GALNTL6: variants seen among roughly 807,000 people sequenced by gnomAD.
The protein encoded by GALNTL6 is polypeptide N-acetylgalactosaminyltransferase like 6, also known as polypeptide N-acetylgalactosaminyltransferase-like 6.
In GALNTL6, 46 loss-of-function variants were observed where a neutral mutation model predicts 73.7. The ratio of observed to expected loss-of-function variants is 0.62; its 90% CI spans 0.49 to 0.80. GALNTL6 has a LOEUF of 0.80. Among genes scored for constraint, GALNTL6 ranks in the 30% least tolerant of loss-of-function variants. The pLI, the probability that GALNTL6 is intolerant of heterozygous loss-of-function variation, is 0.00. For synonymous variants in GALNTL6, 259 were observed against 263.7 expected (o/e 0.98, Z 0.17); for missense variants, 604 against 755.0 (o/e 0.80, Z 2.34).
intron 2 of GALNTL6, among the ~76,000 whole-genome samples, chr4:171,828,482 G>T (rs183745001): frequency 6.6e-6 from 1 of 152,206 alleles, no homozygotes; most frequent in Non-Finnish European, 1.5e-5. Context: ...TGTTTGATAC[G>T]TACCGTAGAT....
intron 5 of GALNTL6, among the ~76,000 whole-genome samples, chr4:172,401,011 G>A (rs1266427697): frequency 6.6e-6 from 1 of 152,112 alleles, no homozygotes; most frequent in Non-Finnish European, 1.5e-5. Context: ...GCACAGAGAA[G>A]ATAGAAAAAA....
At position 172,654,879 on chromosome 4, in the gene GALNTL6, T is replaced by G. The variant is rs773751322; in HGVS notation, c.554-154482T>G. ...TTTGCTATTTTACTGTTGCAAATAC[T>G]TTGTAGTATTAACCATTTAATCCTC... On this transcript the variant is annotated intron_variant, in intron 5 of 12. Transcript: ENST00000506823. 5.3e-5 allele frequency among the ~76,000 whole-genome samples: 8 copies of G among 152,360 alleles called. 1 individual carries two copies. The Middle Eastern group carries it at 0.014, about 259-fold the overall frequency.
In GALNTL6 at chr4:171,840,139, C is replaced by T. The variant is rs181510981; in HGVS notation, c.138+25421C>T. Among the ~76,000 whole-genome samples the T allele has an allele frequency of 1.5e-4, 23 of 152,180 alleles. No homozygotes were observed. The East Asian group carries it at 3.9e-3, about 26-fold the overall frequency. On this transcript the variant is annotated intron_variant, in intron 2 of 12. Transcript: ENST00000506823. ...CACATGGCACACAAAGTCACCGGCT[C>T]GCTGGCTTAAAATATATTCTGAAAG... is the stretch of plus-strand genomic sequence containing the variant.
rs1731435786 is a variant in GALNTL6, at chr4:172,069,196, TC to T, written c.139-160458del. Among the ~76,000 whole-genome samples, 2 of 108,510 alleles carry T rather than the reference TC, an allele frequency of 1.8e-5. 1 individual carries two copies. Among genetic ancestry groups the T allele is most frequent in the South Asian group, 5.3e-4 (2 of 3,784 alleles). 71.2% of individuals were successfully genotyped at this position (108,510 alleles called of 152,430 possible). A position where few individuals can be genotyped will look rare whatever the true frequency, so the allele number is the denominator to read the frequency against. On this transcript the variant is annotated intron_variant, in intron 2 of 12. Transcript: ENST00000506823. Reference sequence around the variant, plus strand: ...CTTTTATCCTGAATATGCAATTTTTTCCTATGTATTGATAACCTAGGTCATT... The same window carrying T: ...CTTTTATCCTGAATATGCAATTTTTTCTATGTATTGATAACCTAGGTCATT...
intron 5 of GALNTL6, among the ~76,000 whole-genome samples, chr4:172,730,906 T>C (rs6553646): frequency 0.98 from 148,704 of 152,092 alleles, 72,777 homozygotes; most frequent in Middle Eastern, 1. Context: ...TGGTGAAACC[T>C]TGTTTCTACT....
chr4:172,835,963 C>T (rs953946415), intron 7 of GALNTL6, among the ~76,000 whole-genome samples: 5 of 152,172 alleles, frequency 3.3e-5, no homozygotes, highest in African/African-American at 7.2e-5. Context: ...AAGTTCAGCC[C>T]GGCTAATGAA....
intron 5 of GALNTL6, among the ~76,000 whole-genome samples, chr4:172,397,738 C>A (rs1743901036): frequency 6.6e-6 from 1 of 151,880 alleles, no homozygotes; most frequent in Non-Finnish European, 1.5e-5. Context: ...TTACCACGCC[C>A]AGCTAATTTT....
chr4:172,788,779 G>T (rs1739827381), intron 5 of GALNTL6, among the ~76,000 whole-genome samples: 1 of 151,734 alleles, frequency 6.6e-6, no homozygotes, highest in Admixed American at 6.6e-5. Context: ...AGGTTACAGA[G>T]AAGCCAACAA....
chr4:172,601,513 C>G (rs1313850332), intron 5 of GALNTL6, among the ~76,000 whole-genome samples: 1 of 152,154 alleles, frequency 6.6e-6, no homozygotes, highest in Non-Finnish European at 1.5e-5. Context: ...CTTGCTTCCT[C>G]TCTCACGATG....
intron 10 of GALNTL6, among the ~76,000 whole-genome samples, chr4:172,977,594 G>A (rs1165352957): frequency 6.6e-6 from 1 of 152,192 alleles, no homozygotes; most frequent in East Asian, 1.9e-4. Context: ...AAAGTTTGGT[G>A]CAGAATACAC....
intron 5 of GALNTL6, among the ~76,000 whole-genome samples, chr4:172,440,504 A>C (rs1316862734): frequency 2.6e-5 from 4 of 152,136 alleles, no homozygotes; most frequent in Non-Finnish European, 4.4e-5. Context: ...ACTAGGCAGA[A>C]CACAGAAGAT....
rs1734467115 is a variant in GALNTL6, at chr4:171,814,465, T to C, written c.-116T>C. ...TTGGTGCTGAGCACGCAACAAAAGTTTGTAGCTTCTCAGTTTCTGGTGCTT... is the reference window on the plus strand; with the variant it reads ...TTGGTGCTGAGCACGCAACAAAAGTCTGTAGCTTCTCAGTTTCTGGTGCTT... On this transcript the variant is annotated 5_prime_UTR_variant, in exon 2 of 13. Transcript: ENST00000506823. The C allele has an allele frequency of 8.9e-7, 1 of 1,128,222 alleles. No individual in the cohort carries two copies. The highest frequency in any genetic ancestry group is 1.3e-6 in the Non-Finnish European group (1 of 781,104). 69.9% of individuals were successfully genotyped at this position (1,128,222 alleles called of 1,614,324 possible).
rs532981244 is a variant in GALNTL6, at chr4:171,904,365, G to A, written c.138+89647G>A. Among the ~76,000 whole-genome samples the A allele has an allele frequency of 5.7e-3, 874 of 152,258 alleles. 10 individuals are homozygous for A. Among genetic ancestry groups the A allele is most frequent in the African/African-American group, 0.02 (815 of 41,540 alleles). On this transcript the variant is annotated intron_variant, in intron 2 of 12. Transcript: ENST00000506823. ...GAAGAATGCAGAAGCCTCAGGAGCCGATGCGATCAACTGGAAGAAAGGGTA... is the reference window on the plus strand; with the variant it reads ...GAAGAATGCAGAAGCCTCAGGAGCCAATGCGATCAACTGGAAGAAAGGGTA...
At chr4:172,486,285 A>T (rs1733664210) in intron 5 of GALNTL6, among the ~76,000 whole-genome samples, 1 of 152,274 alleles carries the variant, frequency 6.6e-6, no homozygotes, top group East Asian at 1.9e-4. Flanking sequence ...AAGAAGATAG[A>T]AAGTGTCGAC....
At chr4:172,908,609 A>AGTGTGTGTGT (rs200044918) in intron 8 of GALNTL6, among the ~76,000 whole-genome samples, 98 of 145,978 alleles carry the variant, frequency 6.7e-4, no homozygotes, top group Middle Eastern at 3.6e-3. Context: ...CATGAGCGTG[A>AGTGTGTGTGT]GTGTGTGTGT....
intron 8 of GALNTL6, among the ~76,000 whole-genome samples, chr4:172,891,984 A>G (rs1746056236): frequency 6.6e-6 from 1 of 152,090 alleles, no homozygotes; most frequent in Non-Finnish European, 1.5e-5. Flanking sequence ...GGTTTTCTTA[A>G]TATGGCCATG....
intron 2 of GALNTL6, among the ~76,000 whole-genome samples, chr4:171,817,375 A>G (rs1031664907): frequency 6.6e-6 from 1 of 151,972 alleles, no homozygotes; most frequent in Non-Finnish European, 1.5e-5. Flanking sequence ...ATTCAAAATT[A>G]TGGAATGGCT....
intron 5 of GALNTL6, among the ~76,000 whole-genome samples, chr4:172,775,162 C>T (rs1739003692): frequency 1.3e-5 from 2 of 152,074 alleles, no homozygotes; most frequent in Admixed American, 6.6e-5. Flanking sequence ...TCAAATTCAG[C>T]AAGTATAGTT....
intron 5 of GALNTL6, among the ~76,000 whole-genome samples, chr4:172,482,323 T>A (rs1733519037): frequency 6.6e-6 from 1 of 152,154 alleles, no homozygotes; most frequent in Admixed American, 6.5e-5. Context: ...GGCTCCCACA[T>A]TACAGCAACG....
Sources: gnomAD v4.1 joint callset for allele counts (sites outside exome capture counted in the v4.1 genomes callset) on GRCh38, gnomAD v4.1.1 for gene constraint, MANE v1.5 for transcripts, NCBI Gene and HGNC (gene_info 2026-07-23, HGNC 2026-07-21) for gene names.